Variants in CFAP96 observed in about 807,000 individuals in gnomAD.
CFAP96 encodes cilia and flagella associated protein 96, also known as cilia-and flagella-associated protein 96.
At chr4:185,430,511 T>C in the CFAP96 span, among the ~76,000 whole-genome samples, 1 of 152,212 alleles carries the variant, frequency 6.6e-6, no homozygotes, top group Admixed American at 6.5e-5. Flanking sequence ...TCTCTTTGCC[T>C]GTGGAAGAAG....
At chr4:185,418,279 T>C in the CFAP96 span, among the ~76,000 whole-genome samples, 1 of 152,180 alleles carries the variant, frequency 6.6e-6, no homozygotes, top group Admixed American at 6.5e-5. Flanking sequence ...AAAACTTAGA[T>C]AAGTAAGACA....
chr4:185,434,781 CA>C, the CFAP96 span, among the ~76,000 whole-genome samples: 1 of 151,616 alleles, frequency 6.6e-6, no homozygotes, highest in African/African-American at 2.4e-5. Context: ...CTCTGTCATC[CA>C]AGCTGGAGTG....
the CFAP96 span, among the ~76,000 whole-genome samples, chr4:185,434,177 C>T: frequency 6.6e-6 from 1 of 151,856 alleles, no homozygotes. Flanking sequence ...TGAGACTGCA[C>T]CACTGCACTG....
chr4:185,440,602 A>G, the CFAP96 span: 1 of 1,537,222 alleles, frequency 6.5e-7, no homozygotes, highest in Non-Finnish European at 8.8e-7. Flanking sequence ...ATCTTCACCC[A>G]AGGGACTATT....
At chr4:185,427,127 C>G in the CFAP96 span, among the ~76,000 whole-genome samples, 1 of 152,010 alleles carries the variant, frequency 6.6e-6, no homozygotes, top group Non-Finnish European at 1.5e-5. Flanking sequence ...GCAAGAATTT[C>G]TTCCCTCCCT....
At chr4:185,432,238 C>T in the CFAP96 span, 1 of 1,404,034 alleles carries the variant, frequency 7.1e-7, no homozygotes, top group East Asian at 2.5e-5. Flanking sequence ...AATATACCTC[C>T]TGTACCTTTA....
At chr4:185,449,673 C>G in the CFAP96 span, 1 of 1,448,330 alleles carries the variant, frequency 6.9e-7, no homozygotes, top group Non-Finnish European at 9.4e-7. Context: ...CTTTCTAGAT[C>G]TTAACTATGA....
the CFAP96 span, among the ~76,000 whole-genome samples, chr4:185,444,450 T>C: frequency 6.6e-6 from 1 of 152,250 alleles, no homozygotes; most frequent in African/African-American, 2.4e-5. Flanking sequence ...AAAAATATTT[T>C]GATTGACTTC....
the CFAP96 span, among the ~76,000 whole-genome samples, chr4:185,427,686 G>A: frequency 1.1e-4 from 16 of 151,764 alleles, no homozygotes; most frequent in African/African-American, 3.9e-4. Flanking sequence ...CTTGAACCCA[G>A]GAGGCGGAGG....
chr4:185,423,989 A>T, the CFAP96 span, among the ~76,000 whole-genome samples: 1 of 152,208 alleles, frequency 6.6e-6, no homozygotes, highest in Admixed American at 6.5e-5. Flanking sequence ...AAGTACTAAC[A>T]TTTACTGAGC....
the CFAP96 span, among the ~76,000 whole-genome samples, chr4:185,420,726 G>A: frequency 2.6e-5 from 4 of 152,158 alleles, no homozygotes; most frequent in African/African-American, 9.7e-5. Context: ...AAAAAAAACT[G>A]TGAAGCCTTT....
chr4:185,429,350 A>G, the CFAP96 span: 1 of 943,512 alleles, frequency 1.1e-6, no homozygotes, highest in Non-Finnish European at 1.5e-6. Flanking sequence ...GCTATAAAAC[A>G]CGTGACCCTA....
At chr4:185,429,566 T>C in the CFAP96 span, 1 of 969,346 alleles carries the variant, frequency 1.0e-6, no homozygotes, top group East Asian at 3.0e-5. Context: ...CTATATAAAA[T>C]TTAGAATTTA....
the CFAP96 span, chr4:185,415,270 C>T: frequency 6.2e-7 from 1 of 1,600,488 alleles, no homozygotes; most frequent in Non-Finnish European, 8.5e-7. Flanking sequence ...AATAGATGTT[C>T]CTTTCATATA....
At chr4:185,445,173 G>T in the CFAP96 span, 2 of 1,474,446 alleles carry the variant, frequency 1.4e-6, no homozygotes, top group Admixed American at 2.2e-5. Flanking sequence ...AGAAAAAATT[G>T]TTTCCAACTT....
chr4:185,425,460 T>C, the CFAP96 span, among the ~76,000 whole-genome samples: 4 of 152,118 alleles, frequency 2.6e-5, no homozygotes, highest in African/African-American at 9.6e-5. Flanking sequence ...AGGATAGGGA[T>C]TGGAGAACCT....
the CFAP96 span, among the ~76,000 whole-genome samples, chr4:185,434,709 C>A: frequency 6.6e-6 from 1 of 152,088 alleles, no homozygotes; most frequent in Admixed American, 6.5e-5. Flanking sequence ...TTATTGAACA[C>A]CAAATTATGG....
the CFAP96 span, among the ~76,000 whole-genome samples, chr4:185,421,822 G>T: frequency 6.6e-6 from 1 of 152,174 alleles, no homozygotes; most frequent in African/African-American, 2.4e-5. Context: ...TATAATGAGG[G>T]TGTTAACTAT....
At chr4:185,429,581 T>A in the CFAP96 span, 1 of 851,832 alleles carries the variant, frequency 1.2e-6, no homozygotes, top group Non-Finnish European at 1.8e-6. Context: ...AATTTAATAT[T>A]TAAGTCAAAT....
Sources: allele counts gnomAD v4.1 joint callset (sites outside exome capture counted in the v4.1 genomes callset), GRCh38; gene constraint gnomAD v4.1.1; transcripts MANE v1.5; gene names NCBI Gene and HGNC (gene_info 2026-07-23, HGNC 2026-07-21).